Variants in VRK2 observed in about 807,000 individuals in gnomAD.
The protein encoded by VRK2 is serine/threonine-protein kinase VRK2.
In VRK2, 60 loss-of-function variants were observed where a neutral mutation model predicts 57.6. The ratio of observed to expected loss-of-function variants is 1.04; its 90% CI spans 0.85 to 1.29. The LOEUF (loss-of-function observed/expected upper bound fraction) is 1.29. Ranked by LOEUF, VRK2 falls within the 50% of genes most tolerant of loss-of-function variation. The pLI, the probability that VRK2 is intolerant of heterozygous loss-of-function variation, is 0.00. For missense variants in VRK2, 705 were observed against 588.1 expected (o/e 1.20, Z -2.06); for synonymous variants, 231 against 199.2 (o/e 1.16, Z -1.35).
At chr2:58,144,709 A>G (rs1681854893) in intron 11 of VRK2, among the ~76,000 whole-genome samples, 1 of 152,012 alleles carries the variant, frequency 6.6e-6, no homozygotes, top group Non-Finnish European at 1.5e-5. Flanking sequence ...GTGGCTCAGA[A>G]GATGGTGACA....
chr2:58,043,355 T>C (rs1674538798), upstream of VRK2, among the ~76,000 whole-genome samples: 1 of 152,204 alleles, frequency 6.6e-6, no homozygotes, highest in African/African-American at 2.4e-5. Context: ...ATAATTCAAT[T>C]TTAAGTGTAT....
intron 7 of VRK2, among the ~76,000 whole-genome samples, chr2:58,114,889 G>T (rs1280919345): frequency 2.0e-5 from 3 of 152,150 alleles, no homozygotes; most frequent in Non-Finnish European, 4.4e-5. Context: ...TTTAGACTAA[G>T]AGCTATTTTA....
intron 1 of VRK2, among the ~76,000 whole-genome samples, chr2:57,986,240 C>T (rs908515731): frequency 2.0e-5 from 3 of 151,818 alleles, no homozygotes; most frequent in African/African-American, 7.3e-5. Flanking sequence ...AGAATACCTA[C>T]ATAAGTAGAA....
At chr2:57,987,659 C>G (rs1416099130) in intron 1 of VRK2, among the ~76,000 whole-genome samples, 1 of 152,008 alleles carries the variant, frequency 6.6e-6, no homozygotes, top group Non-Finnish European at 1.5e-5. Context: ...GGACACTTAT[C>G]TACATGAAAT....
chr2:58,072,484 A>AT (rs1237654565), intron 2 of VRK2, among the ~76,000 whole-genome samples: 1 of 151,838 alleles, frequency 6.6e-6, no homozygotes, highest in Non-Finnish European at 1.5e-5. Flanking sequence ...GATGAATTAG[A>AT]TTTTGCCAAA....
intron 12 of VRK2, among the ~76,000 whole-genome samples, chr2:58,158,473 GT>G (rs1684365303): frequency 6.6e-6 from 1 of 152,136 alleles, no homozygotes; most frequent in Admixed American, 6.5e-5. Flanking sequence ...AGGGCTGTTT[GT>G]TTGAAGGGTG....
At chr2:57,997,653 G>A (rs1432580907) in intron 1 of VRK2, among the ~76,000 whole-genome samples, 2 of 152,048 alleles carry the variant, frequency 1.3e-5, no homozygotes, top group African/African-American at 2.4e-5. Context: ...CTGTAATCCC[G>A]GCAGTTTGGG....
At chr2:58,115,988 C>T (rs1362839669) in intron 7 of VRK2, among the ~76,000 whole-genome samples, 1 of 152,130 alleles carries the variant, frequency 6.6e-6, no homozygotes, top group Non-Finnish European at 1.5e-5. Flanking sequence ...GGTGGATAGG[C>T]AAAACAATTT....
chr2:58,051,396 T>A (rs1174145964), intron 2 of VRK2, among the ~76,000 whole-genome samples: 1 of 151,950 alleles, frequency 6.6e-6, no homozygotes, highest in Non-Finnish European at 1.5e-5. Flanking sequence ...CCATTAAAAG[T>A]GATGCTAATG....
At chr2:58,064,695 A>G (rs1343182628) in intron 2 of VRK2, among the ~76,000 whole-genome samples, 1 of 152,138 alleles carries the variant, frequency 6.6e-6, no homozygotes, top group African/African-American at 2.4e-5. Context: ...TTCCATTACT[A>G]AAAGAGTTTG....
intron 1 of VRK2, among the ~76,000 whole-genome samples, chr2:58,012,578 G>T (rs1673447284): frequency 1.3e-5 from 2 of 152,214 alleles, no homozygotes; most frequent in Non-Finnish European, 2.9e-5. Flanking sequence ...GGGGGATAGG[G>T]CTGAAAGTTC....
At chr2:58,026,145 T>C (rs1673917401) in intron 2 of VRK2, among the ~76,000 whole-genome samples, 1 of 152,182 alleles carries the variant, frequency 6.6e-6, no homozygotes, top group South Asian at 2.1e-4. Flanking sequence ...TTCCATTGCA[T>C]AATGGAGATG....
chr2:58,131,985 A>C, intron 9 of VRK2, 57 bp downstream of exon 9: 3 of 1,602,024 alleles, frequency 1.9e-6, no homozygotes, highest in Non-Finnish European at 2.6e-6. Flanking sequence ...GGATACATTA[A>C]AGGGAGCTAA....
chr2:58,055,668 T>A (rs1291146362), intron 2 of VRK2, among the ~76,000 whole-genome samples: 1 of 152,078 alleles, frequency 6.6e-6, no homozygotes, highest in African/African-American at 2.4e-5. Flanking sequence ...AACCCTAAAT[T>A]TAGAAAGGGC....
chr2:58,139,871 TATG>T, intron 11 of VRK2, 39 bp downstream of exon 11: 1 of 1,517,504 alleles, frequency 6.6e-7, no homozygotes, highest in Non-Finnish European at 8.9e-7. Flanking sequence ...GATTACCTTC[TATG>T]ATACTTTTCT....
chr2:58,113,232 C>A (rs910855225), intron 7 of VRK2, among the ~76,000 whole-genome samples: 2 of 151,792 alleles, frequency 1.3e-5, no homozygotes, highest in Admixed American at 1.3e-4. Flanking sequence ...TCACATGAAC[C>A]CGGGAGGCGG....
At chr2:57,919,939 C>G (rs1410984139) in intron 1 of VRK2, among the ~76,000 whole-genome samples, 1 of 151,978 alleles carries the variant, frequency 6.6e-6, no homozygotes, top group Non-Finnish European at 1.5e-5. Context: ...TTCATTCATT[C>G]CTCATTAATA....
intron 2 of VRK2, among the ~76,000 whole-genome samples, chr2:58,051,150 A>AT (rs964703288): frequency 2.2e-4 from 34 of 151,426 alleles, no homozygotes; most frequent in South Asian, 1.5e-3. Flanking sequence ...CAGCCTACTT[A>AT]TTTTTTTTTA....
intron 11 of VRK2, among the ~76,000 whole-genome samples, chr2:58,142,311 T>G (rs907294093): frequency 4.6e-5 from 7 of 150,802 alleles, no homozygotes; most frequent in Non-Finnish European, 1.0e-4. Context: ...ATCACCTTTT[T>G]GCAAAAGAAA....
Sources: allele counts gnomAD v4.1 joint callset (sites outside exome capture counted in the v4.1 genomes callset), GRCh38; gene constraint gnomAD v4.1.1; transcripts MANE v1.5; gene names NCBI Gene and HGNC (gene_info 2026-07-23, HGNC 2026-07-21).